The following DYNC2H1 variants were observed in gnomAD, a reference collection of about 807,000 sequenced individuals.
The protein encoded by DYNC2H1 is cytoplasmic dynein 2 heavy chain 1.
Under a neutral mutation model 570.0 loss-of-function variants are expected in DYNC2H1, and 410 were observed. The ratio of observed to expected loss-of-function variants is 0.72; its 90% CI spans 0.66 to 0.78. The LOEUF (loss-of-function observed/expected upper bound fraction) is 0.78, where lower values mean the gene tolerates loss of function less well. DYNC2H1 is among the 30% of genes least tolerant of loss of function. DYNC2H1 has a pLI of 0.00. For synonymous variants in DYNC2H1, 1,688 were observed against 1,677.6 expected (o/e 1.01, Z -0.15); for missense variants, 4,865 against 5,046.4 (o/e 0.96, Z 1.09).
At chr11:103,443,448 A>C (rs886441825) in intron 85 of DYNC2H1, among the ~76,000 whole-genome samples, 1 of 152,004 alleles carries the variant, frequency 6.6e-6, no homozygotes, top group African/African-American at 2.4e-5. Context: ...TCTGTTATAC[A>C]TAATATTGAA....
intron 88 of DYNC2H1, among the ~76,000 whole-genome samples, chr11:103,474,686 T>TA (rs1370717484): frequency 1.3e-5 from 2 of 152,050 alleles, no homozygotes; most frequent in Non-Finnish European, 2.9e-5. Flanking sequence ...GTGGTATTGT[T>TA]ACAATTATTC....
intron 69 of DYNC2H1, among the ~76,000 whole-genome samples, chr11:103,259,353 A>G (rs11225636): frequency 0.19 from 28,597 of 152,058 alleles, 3,586 homozygotes; most frequent in African/African-American, 0.36. Flanking sequence ...AATTATTACA[A>G]TCTTGCAAAA....
At chr11:103,310,946 C>A (rs1178953262) in intron 78 of DYNC2H1, among the ~76,000 whole-genome samples, 1 of 151,930 alleles carries the variant, frequency 6.6e-6, no homozygotes. Flanking sequence ...AAGTGATCCA[C>A]ACACCTCAGC....
At chr11:103,169,038 C>T in intron 32 of DYNC2H1, 78 bp downstream of exon 32, 3 of 1,270,752 alleles carry the variant, frequency 2.4e-6, no homozygotes, top group East Asian at 2.7e-5. Context: ...GGTAGAAATA[C>T]TTTTTTATTT....
At chr11:103,397,313 A>G (rs1258585566) in intron 83 of DYNC2H1, among the ~76,000 whole-genome samples, 1 of 151,482 alleles carries the variant, frequency 6.6e-6, no homozygotes, top group Admixed American at 6.6e-5. Flanking sequence ...TTACTCAATA[A>G]AAAAAAAACC....
chr11:103,390,910 C>A (rs1279140626), intron 83 of DYNC2H1, among the ~76,000 whole-genome samples: 1 of 152,164 alleles, frequency 6.6e-6, no homozygotes, highest in African/African-American at 2.4e-5. Context: ...CCCGACCTTT[C>A]TCTCTGGCTG....
At chr11:103,342,424 A>C (rs538929494) in intron 82 of DYNC2H1, among the ~76,000 whole-genome samples, 1 of 152,204 alleles carries the variant, frequency 6.6e-6, no homozygotes, top group African/African-American at 2.4e-5. Context: ...AAGCTGCTCC[A>C]GTCCCCTTCC....
In DYNC2H1 at chr11:103,321,111, C is replaced by T. The variant is rs754220100; in HGVS notation, c.11808C>T (p.Asp3936=). ...IYGGRIDNYF[D]LRVLQSYLKQ... ...GAGGACGTATAGACAACTATTTTGACCTTAGAGTTCTTCAGTCATACCTGA... is the reference window on the plus strand; with the variant it reads ...GAGGACGTATAGACAACTATTTTGATCTTAGAGTTCTTCAGTCATACCTGA... The change falls in exon 81 of 89, where the codon GAC becomes GAT. Residue 3936 remains aspartate, a synonymous_variant. Transcript: ENST00000375735. 3.1e-6 allele frequency: 5 copies of T among 1,612,384 alleles called. No individual in the cohort carries two copies. The highest frequency in any genetic ancestry group is 4.2e-6 in the Non-Finnish European group (5 of 1,179,228).
chr11:103,192,011 C>A, intron 46 of DYNC2H1, 86 bp from the exon 47 acceptor site: 1 of 1,097,544 alleles, frequency 9.1e-7, no homozygotes, highest in Non-Finnish European at 1.2e-6. Flanking sequence ...GGTATGTAGA[C>A]ACCTGCTATT....
At chr11:103,447,863 G>T (rs1024689735) in intron 85 of DYNC2H1, among the ~76,000 whole-genome samples, 88 of 152,000 alleles carry the variant, frequency 5.8e-4, no homozygotes, top group African/African-American at 2.0e-3. Flanking sequence ...TTAATGTTTT[G>T]TCCAATATTT....
chr11:103,136,097 C>G, intron 17 of DYNC2H1, 149 bp downstream of exon 17: 1 of 606,938 alleles, frequency 1.6e-6, no homozygotes, highest in Non-Finnish European at 2.5e-6. Flanking sequence ...GATACTTATA[C>G]AACCTAGATT....
Position 103,158,905 on chromosome 11 carries a change from A to G in DYNC2H1, c.4261-5A>G. ...AAAGCTATTTTTTGTTTCTATTTTT[A>G]TTAGGAAAAACGCTCAGCATTCCCA... On this transcript the variant is annotated splice_polypyrimidine_tract_variant and splice_region_variant and intron_variant, in intron 27 of 88. Coordinates refer to ENST00000375735, the MANE Select transcript of DYNC2H1 (RefSeq NM_001377.3). 2 of 1,598,334 alleles carry G rather than the reference A, an allele frequency of 1.3e-6. No individual in the cohort carries two copies. The highest frequency in any genetic ancestry group is 1.7e-6 in the Non-Finnish European group (2 of 1,174,062).
In DYNC2H1 at chr11:103,181,082, A is replaced by G. The variant is rs1045959501; in HGVS notation, c.6348-675A>G. On this transcript the variant is annotated intron_variant, in intron 39 of 88. Coordinates refer to ENST00000375735, the MANE Select transcript of DYNC2H1 (RefSeq NM_001377.3). This position sits in a 1 kb window ranked among gnomAD's most constrained non-coding sequence, Gnocchi z 5.0. ...TTTGAATAAGATGTGAATCTCTATT[A>G]TTTCACCAATTGGATTTTGGTGAAA... Among the ~76,000 whole-genome samples, 2 of 151,590 alleles carry G rather than the reference A, an allele frequency of 1.3e-5. No individual in the cohort carries two copies. Among genetic ancestry groups the G allele is most frequent in the Non-Finnish European group, 3.0e-5 (2 of 67,638 alleles).
At chr11:103,298,221 T>C (rs1159998946) in intron 75 of DYNC2H1, among the ~76,000 whole-genome samples, 2 of 152,144 alleles carry the variant, frequency 1.3e-5, no homozygotes, top group African/African-American at 4.8e-5. Context: ...CTTGTTTTTT[T>C]TACTGCTCTA....
At chr11:103,174,631 C>G (rs189765529) in intron 36 of DYNC2H1, among the ~76,000 whole-genome samples, 1 of 152,164 alleles carries the variant, frequency 6.6e-6, no homozygotes, top group East Asian at 1.9e-4. Flanking sequence ...CTTAGAAACA[C>G]ATGTAGGATT....
intron 88 of DYNC2H1, among the ~76,000 whole-genome samples, chr11:103,474,916 T>C (rs1945506392): frequency 1.3e-5 from 2 of 152,288 alleles, no homozygotes; most frequent in African/African-American, 2.4e-5. Flanking sequence ...TTCTTTCAAA[T>C]AGTAGTGTAT....
rs369013082 is a variant in DYNC2H1, at chr11:103,399,725, G to A, written c.12219G>A (p.Leu4073=). The change falls in exon 84 of 89, where the codon CTG becomes CTA. Residue 4073 remains leucine, a synonymous_variant. Coordinates refer to ENST00000375735, the MANE Select transcript of DYNC2H1 (RefSeq NM_001377.3). ...ACGATCGACAAGGATCTCCAATACT[G>A]TCATTCATCATTCTTGAACAATTTA... ...PPNDRQGSPI[L]SFIILEQFNA... 3.1e-6 allele frequency: 5 copies of A among 1,613,712 alleles called. No individual in the cohort carries two copies. In the African/African-American group the frequency reaches 6.7e-5, roughly 22 times the overall value.
At chr11:103,210,094 CT>C (rs976708798) in intron 53 of DYNC2H1, 134 bp downstream of exon 53, 9 of 1,069,676 alleles carry the variant, frequency 8.4e-6, no homozygotes, top group Non-Finnish European at 1.1e-5. Flanking sequence ...TAGATTTCTT[CT>C]GATGCAAACA....
At chr11:103,422,068 A>G (rs1045593149) in intron 84 of DYNC2H1, among the ~76,000 whole-genome samples, 3 of 152,198 alleles carry the variant, frequency 2.0e-5, no homozygotes, top group South Asian at 2.1e-4. Context: ...AAACACGTCT[A>G]TACACATAAA....
Sources: gnomAD v4.1 joint callset for allele counts (sites outside exome capture counted in the v4.1 genomes callset) on GRCh38, gnomAD v4.1.1 for gene constraint, Gnocchi (gnomAD v3.1) non-coding constraint, MANE v1.5 for transcripts, NCBI Gene and HGNC (gene_info 2026-07-23, HGNC 2026-07-21) for gene names.